RPGRIP1: variants seen among roughly 807,000 people sequenced by gnomAD.
The protein encoded by RPGRIP1 is X-linked retinitis pigmentosa GTPase regulator-interacting protein 1.
Under a neutral mutation model 157.9 loss-of-function variants are expected in RPGRIP1, and 128 were observed. The observed-to-expected ratio is 0.81, with a 90% CI of 0.70 to 0.94. The LOEUF is 0.94. Among genes scored for constraint, RPGRIP1 ranks in the 40% least tolerant of loss-of-function variants. The pLI is 0.00. For synonymous variants in RPGRIP1, 554 were observed against 571.6 expected (o/e 0.97, Z 0.44); for missense variants, 1,486 against 1,545.8 (o/e 0.96, Z 0.65).
Position 21,330,304 on chromosome 14 carries a change from G to T in RPGRIP1, c.3155G>T (p.Gly1052Val). 6 of 1,581,830 alleles carry T rather than the reference G, an allele frequency of 3.8e-6. No individual in the cohort carries two copies. The highest frequency in any genetic ancestry group is 5.1e-6 in the Non-Finnish European group (6 of 1,166,698). The change falls in exon 20 of 25, where the codon GGC (glycine) becomes GTC (valine). Residue 1052 changes from glycine (G) to valine (V), a missense_variant. By Grantham distance (109) the Gly-to-Val change is moderately radical (BLOSUM62 -3). Transcript: ENST00000400017. ...FSETNSFIGDGFKNQHEEEEM... is the reference protein window; with the variant it reads ...FSETNSFIGDVFKNQHEEEEM... ...GAGACTAACAGCTTCATAGGTGATG[G>T]CTTTAAAAATCAGCACGAGGAAGAG...
chr14:21,294,098 TTAAG>T (rs979430043), intron 2 of RPGRIP1, among the ~76,000 whole-genome samples: 37 of 145,632 alleles, frequency 2.5e-4, no homozygotes, highest in African/African-American at 8.3e-4. Flanking sequence ...AAAAGAAAAA[TTAAG>T]TAAAATAAAA....
At chr14:21,308,804 G>A (rs764508631) in intron 7 of RPGRIP1, among the ~76,000 whole-genome samples, 1 of 152,170 alleles carries the variant, frequency 6.6e-6, no homozygotes, top group Non-Finnish European at 1.5e-5. Context: ...GGCAGGAGGA[G>A]GTAGTGTCTG....
rs1410999993 is a variant in RPGRIP1 at position 21,297,975 on chromosome 14, A to G, written c.219-2991A>G. 3.3e-5 allele frequency among the ~76,000 whole-genome samples: 5 copies of G among 151,836 alleles called. No individual in the cohort carries two copies. In the East Asian group the frequency reaches 9.7e-4, roughly 29 times the overall value. ...CTCAACTTCCTGGAATCAAGTATCA[A>G]TAAATCTTATCTACAGGGAGGGTAA... On this transcript the variant is annotated intron_variant, in intron 3 of 24. Coordinates refer to ENST00000400017, the MANE Select transcript of RPGRIP1 (RefSeq NM_020366.4).
chr14:21,289,795 G>A (rs1212463435), intron 2 of RPGRIP1, among the ~76,000 whole-genome samples: 1 of 152,098 alleles, frequency 6.6e-6, no homozygotes, highest in Non-Finnish European at 1.5e-5. Flanking sequence ...CTGGTCGGGA[G>A]TTAAAAATTT....
At chr14:21,299,822 G>A (rs1880947182) in intron 3 of RPGRIP1, among the ~76,000 whole-genome samples, 1 of 152,156 alleles carries the variant, frequency 6.6e-6, no homozygotes, top group Non-Finnish European at 1.5e-5. Flanking sequence ...TCAGAGTTCT[G>A]AAGCTGGAAG....
In RPGRIP1 at chr14:21,328,606, C is replaced by G. The variant is rs1397469132; in HGVS notation, c.3078C>G (p.Ile1026Met). The G allele has an allele frequency of 1.2e-6, 2 of 1,612,796 alleles. No individual in the cohort carries two copies. Among genetic ancestry groups the G allele is most frequent in the African/African-American group, 2.7e-5 (2 of 74,882 alleles). The change falls in exon 19 of 25, where the codon ATC (isoleucine) becomes ATG (methionine). Residue 1026 changes from isoleucine to methionine, a missense_variant. By Grantham distance (10) the Ile-to-Met change is conservative (BLOSUM62 1). Coordinates refer to ENST00000400017, the MANE Select transcript of RPGRIP1 (RefSeq NM_020366.4). ...GAATGGAGTATCTTAGCCTTAACAT[C>G]TTAAATGGAAATACACCAGAGGTAA... ...KNRMEYLSLNILNGNTPEQVN... is the reference protein window; with the variant it reads ...KNRMEYLSLNMLNGNTPEQVN...
intron 3 of RPGRIP1, among the ~76,000 whole-genome samples, chr14:21,297,000 T>C (rs543346768): frequency 5.7e-4 from 86 of 151,300 alleles, no homozygotes; most frequent in Non-Finnish European, 1.0e-3. Context: ...TGAAGAGGTA[T>C]TATTAAGAGG....
intron 1 of RPGRIP1, among the ~76,000 whole-genome samples, chr14:21,287,524 C>T (rs773033406): frequency 5.9e-5 from 9 of 152,076 alleles, no homozygotes; most frequent in Non-Finnish European, 8.8e-5. Flanking sequence ...TTGGGTCATT[C>T]GATTAACCCT....
chr14:21,328,838 A>G (rs1004325654), intron 19 of RPGRIP1, among the ~76,000 whole-genome samples: 5 of 151,802 alleles, frequency 3.3e-5, no homozygotes, highest in Admixed American at 6.6e-5. Flanking sequence ...GTGAACTCCT[A>G]TCTCTGCTAA....
intron 22 of RPGRIP1, among the ~76,000 whole-genome samples, chr14:21,343,549 G>T (rs1885236792): frequency 6.6e-6 from 1 of 152,108 alleles, no homozygotes; most frequent in South Asian, 2.1e-4. Flanking sequence ...AGAATGCAGT[G>T]GTGTGATCTT....
At chr14:21,337,198 C>T (rs1337316065) in intron 21 of RPGRIP1, among the ~76,000 whole-genome samples, 1 of 152,052 alleles carries the variant, frequency 6.6e-6, no homozygotes, top group Non-Finnish European at 1.5e-5. Flanking sequence ...ATTTAGATCC[C>T]AGCTCTGCTA....
At chr14:21,314,687 TG>T (rs1881693449) in intron 10 of RPGRIP1, among the ~76,000 whole-genome samples, 1 of 141,176 alleles carries the variant, frequency 7.1e-6, no homozygotes, top group Non-Finnish European at 1.5e-5. Context: ...CACTCCAGCC[TG>T]GGCAACAAGA....
At chr14:21,327,237 T>G (rs1883207203) in intron 17 of RPGRIP1, among the ~76,000 whole-genome samples, 1 of 152,188 alleles carries the variant, frequency 6.6e-6, no homozygotes, top group Non-Finnish European at 1.5e-5. Context: ...TTGCTTAAGT[T>G]TTCTTGGGAC....
intron 7 of RPGRIP1, among the ~76,000 whole-genome samples, chr14:21,308,786 T>C (rs139254165): frequency 1.7e-4 from 26 of 152,312 alleles, no homozygotes; most frequent in Middle Eastern, 3.4e-3. Flanking sequence ...TGGCTGCTTA[T>C]ATGAGTAGGC....
At position 21,325,319 on chromosome 14, in the gene RPGRIP1, G is replaced by A. The variant is rs770870865; in HGVS notation, c.2303G>A (p.Arg768Gln). 25 of 1,608,618 alleles carry A rather than the reference G, an allele frequency of 1.6e-5. No homozygotes were observed. The East Asian group carries it at 2.2e-4, about 14-fold the overall frequency. ...IKPSLQACNK[R>Q]KKAQVYLSTD... ...CCCAGCCTACAGGCGTGCAATAAAC[G>A]AAAGAAAGCCCAGGTCTACCTGTCA... The change falls in exon 16 of 25, where the codon CGA (arginine) becomes CAA (glutamine). Residue 768 changes from arginine to glutamine, a missense_variant. Arg to Gln is a conservative substitution (Grantham distance 43). Transcript: ENST00000400017.
chr14:21,298,941 T>TAAAA (rs10555165), intron 3 of RPGRIP1, among the ~76,000 whole-genome samples: 13 of 82,480 alleles, frequency 1.6e-4, no homozygotes, highest in African/African-American at 2.2e-4. Flanking sequence ...CTCTGTCTCA[T>TAAAA]AAAAAAAAAA....
intron 22 of RPGRIP1, among the ~76,000 whole-genome samples, chr14:21,343,898 TTTTTTTTTTGA>T (rs1885300426): frequency 9.0e-6 from 1 of 110,540 alleles, no homozygotes; most frequent in Admixed American, 1.0e-4. Context: ...TTTTTTTTTT[TTTTTTTTTTGA>T]GATGGAGTCT....
chr14:21,327,127 C>T (rs1883197081), intron 17 of RPGRIP1, among the ~76,000 whole-genome samples: 1 of 152,168 alleles, frequency 6.6e-6, no homozygotes, highest in African/African-American at 2.4e-5. Context: ...AAAAGGCTGA[C>T]ACTTCTGGAC....
intron 1 of RPGRIP1, among the ~76,000 whole-genome samples, chr14:21,281,170 A>G (rs1880111337): frequency 6.6e-6 from 1 of 151,820 alleles, no homozygotes; most frequent in African/African-American, 2.4e-5. Context: ...GGTGCGCACC[A>G]CCATGCCCAG....
Sources: gnomAD v4.1 joint callset for allele counts (sites outside exome capture counted in the v4.1 genomes callset) on GRCh38, gnomAD v4.1.1 for gene constraint, MANE v1.5 for transcripts, NCBI Gene and HGNC (gene_info 2026-07-23, HGNC 2026-07-21) for gene names.